Variants in GABRB1 observed in about 807,000 individuals in gnomAD.
GABRB1 encodes gamma-aminobutyric acid receptor subunit beta-1.
A neutral mutation model predicts 51.6 loss-of-function variants in GABRB1; 17 were observed. The observed-to-expected ratio is 0.33, with a 90% CI of 0.23 to 0.49. GABRB1 has a LOEUF of 0.49. Among genes scored for constraint, GABRB1 ranks in the 20% least tolerant of loss-of-function variants. The pLI, the probability that GABRB1 is intolerant of heterozygous loss-of-function variation, is 0.99. For missense variants in GABRB1, 410 were observed against 600.6 expected, an observed-to-expected ratio of 0.68 and a Z score of 3.32; for synonymous variants, 247 against 218.9, an observed-to-expected ratio of 1.13 and a Z score of -1.14.
intron 5 of GABRB1, among the ~76,000 whole-genome samples, chr4:47,363,788 T>C (rs6830892): frequency 0.49 from 74,823 of 151,934 alleles, 18,906 homozygotes; most frequent in Non-Finnish European, 0.55. Context: ...CATCAGACCA[T>C]CTGGCAGTCA....
At chr4:47,185,767 T>C (rs1263285475) in intron 4 of GABRB1, among the ~76,000 whole-genome samples, 1 of 151,776 alleles carries the variant, frequency 6.6e-6, no homozygotes, top group African/African-American at 2.4e-5. Context: ...ATCTAGAAAA[T>C]AGTAAGAGTT....
intron 8 of GABRB1, among the ~76,000 whole-genome samples, chr4:47,418,905 C>T (rs1465949387): frequency 3.9e-5 from 6 of 152,050 alleles, no homozygotes; most frequent in African/African-American, 2.4e-5. Context: ...AATAAGGAAA[C>T]GTGAATTACT....
At chr4:47,022,806 G>A (rs1285241765) in intron 1 of GABRB1, among the ~76,000 whole-genome samples, 1 of 152,056 alleles carries the variant, frequency 6.6e-6, no homozygotes, top group Admixed American at 6.6e-5. Context: ...ATATGATCCA[G>A]CAATCCCATT....
chr4:47,194,623 C>T (rs563643188), intron 4 of GABRB1, among the ~76,000 whole-genome samples: 1 of 152,180 alleles, frequency 6.6e-6, no homozygotes, highest in African/African-American at 2.4e-5. Context: ...ACTAGCACAT[C>T]AGTGCTGCAC....
intron 3 of GABRB1, among the ~76,000 whole-genome samples, chr4:47,138,659 T>A (rs569806716): frequency 6.6e-6 from 1 of 152,212 alleles, no homozygotes; most frequent in East Asian, 1.9e-4. Context: ...TGCTGCTCGA[T>A]ACCTTTCAAG....
chr4:47,296,994 T>G (rs1432204113), intron 4 of GABRB1, among the ~76,000 whole-genome samples: 1 of 152,096 alleles, frequency 6.6e-6, no homozygotes, highest in Non-Finnish European at 1.5e-5. Flanking sequence ...CTGAACAACC[T>G]GCTCCTGAAT....
rs59682924 is a variant in GABRB1, at chr4:47,426,428, C to CAAAAAAAAAAAAA, written c.*417_*429dup. On this transcript the variant is annotated 3_prime_UTR_variant, in exon 9 of 9. Coordinates refer to ENST00000295454, the MANE Select transcript of GABRB1 (RefSeq NM_000812.4). ...GTAAACTATAACAAACTTATGCTGC[C>CAAAAAAAAAAAAA]AAAAAAAAAAAAAAAAAAACATAAA... is the stretch of plus-strand genomic sequence containing the variant. 8.3e-5 allele frequency: 7 copies of CAAAAAAAAAAAAA among 84,822 alleles called. No homozygotes were observed. The highest frequency in any genetic ancestry group is 1.3e-4 in the Non-Finnish European group (5 of 38,390). The allele number at this position is 84,822 out of a possible 1,614,324, so 5.3% of individuals were successfully genotyped here. A position where few individuals can be genotyped will look rare whatever the true frequency, so the allele number is the denominator to read the frequency against.
intron 4 of GABRB1, among the ~76,000 whole-genome samples, chr4:47,227,986 T>A (rs531046466): frequency 6.6e-6 from 1 of 152,262 alleles, no homozygotes; most frequent in African/African-American, 2.4e-5. Flanking sequence ...AACGTAATTA[T>A]CTCTTTAAAG....
At chr4:47,128,459 C>T (rs1716263644) in intron 3 of GABRB1, among the ~76,000 whole-genome samples, 1 of 151,730 alleles carries the variant, frequency 6.6e-6, no homozygotes, top group Admixed American at 6.6e-5. Flanking sequence ...GGATAAGATA[C>T]AAATTATTAA....
intron 5 of GABRB1, among the ~76,000 whole-genome samples, chr4:47,339,992 A>G (rs1341818417): frequency 6.6e-6 from 1 of 152,218 alleles, no homozygotes; most frequent in Non-Finnish European, 1.5e-5. Context: ...AACTTTGTGC[A>G]TATAAATGCA....
intron 3 of GABRB1, among the ~76,000 whole-genome samples, chr4:47,093,594 A>G (rs778216120): frequency 7.2e-5 from 11 of 152,228 alleles, no homozygotes; most frequent in African/African-American, 1.9e-4. Context: ...AAAAAATCTC[A>G]TATTACTTAT....
intron 4 of GABRB1, among the ~76,000 whole-genome samples, chr4:47,298,709 G>A (rs1270168345): frequency 6.6e-6 from 1 of 152,184 alleles, no homozygotes; most frequent in Non-Finnish European, 1.5e-5. Context: ...AGCTACCAAT[G>A]ACTTTCTTCA....
intron 4 of GABRB1, among the ~76,000 whole-genome samples, chr4:47,236,327 T>TA (rs796141094): frequency 3.7e-4 from 55 of 148,704 alleles, no homozygotes; most frequent in East Asian, 9.8e-4. Flanking sequence ...TACAGTCTTG[T>TA]AAAAAAAAAA....
At chr4:47,139,170 C>A (rs1050621780) in intron 3 of GABRB1, among the ~76,000 whole-genome samples, 8 of 151,978 alleles carry the variant, frequency 5.3e-5, no homozygotes, top group African/African-American at 1.7e-4. Context: ...ATCCTTCATG[C>A]AGACCTAGGT....
intron 3 of GABRB1, among the ~76,000 whole-genome samples, chr4:47,114,959 A>G (rs1715400601): frequency 6.6e-6 from 1 of 152,140 alleles, no homozygotes; most frequent in South Asian, 2.1e-4. Flanking sequence ...TTTCCCTACT[A>G]GAACTTCTCA....
intron 3 of GABRB1, among the ~76,000 whole-genome samples, chr4:47,101,116 G>T (rs1341171477): frequency 6.6e-6 from 1 of 151,946 alleles, no homozygotes. Flanking sequence ...ATCTTCACCT[G>T]GTAGACTCCC....
At chr4:47,313,433 G>T (rs990878641) in intron 4 of GABRB1, among the ~76,000 whole-genome samples, 2 of 152,190 alleles carry the variant, frequency 1.3e-5, no homozygotes, top group Non-Finnish European at 2.9e-5. Context: ...CCATGTGGAT[G>T]TGTTAATTAA....
chr4:47,077,110 AG>A (rs1727590064), intron 3 of GABRB1, among the ~76,000 whole-genome samples: 1 of 152,204 alleles, frequency 6.6e-6, no homozygotes. Flanking sequence ...GCATGCCCCC[AG>A]CAAACTTTAC....
chr4:47,047,329 G>A (rs953109745), intron 3 of GABRB1, among the ~76,000 whole-genome samples: 7 of 152,028 alleles, frequency 4.6e-5, no homozygotes, highest in African/African-American at 1.4e-4. Context: ...TACAAAGCAG[G>A]TACTATTCTA....
Sources: gnomAD v4.1 joint callset for allele counts (sites outside exome capture counted in the v4.1 genomes callset) on GRCh38, gnomAD v4.1.1 for gene constraint, MANE v1.5 for transcripts, NCBI Gene and HGNC (gene_info 2026-07-23, HGNC 2026-07-21) for gene names.